Variants in LYRM4 observed in about 807,000 individuals in gnomAD.
LYRM4 encodes LYR motif containing 4.
In LYRM4, 9 loss-of-function variants were observed where a neutral mutation model predicts 11.7. The ratio of observed to expected loss-of-function variants is 0.77; its 90% CI spans 0.46 to 1.34. The LOEUF (loss-of-function observed/expected upper bound fraction) is 1.34. LYRM4 is among the 40% of genes most tolerant of loss of function. The pLI, the probability that LYRM4 is intolerant of heterozygous loss-of-function variation, is 0.00. For missense variants in LYRM4, 133 were observed against 112.5 expected (o/e 1.18, Z -0.82); for synonymous variants, 42 against 40.4 (o/e 1.04, Z -0.15).
At chr6:5,054,687 G>C in the LYRM4 span, among the ~76,000 whole-genome samples, 1 of 152,150 alleles carries the variant, frequency 6.6e-6, no homozygotes, top group African/African-American at 2.4e-5. Flanking sequence ...GGAAGGAGGA[G>C]TCAGACTTAC....
At chr6:5,137,771 C>A (rs1757177340) in intron 2 of LYRM4, among the ~76,000 whole-genome samples, 1 of 152,208 alleles carries the variant, frequency 6.6e-6, no homozygotes, top group Admixed American at 6.5e-5. Flanking sequence ...GATTCCTGCT[C>A]TTTTGTAGAC....
chr6:5,216,542 C>T (rs1561876986), intron 2 of LYRM4, 76 bp downstream of exon 2: 25 of 1,558,704 alleles, frequency 1.6e-5, no homozygotes, highest in South Asian at 3.4e-5. Context: ...ACCAAAAGCA[C>T]GGCTGTCTAA....
In LYRM4 at chr6:5,204,497, C is replaced by A. The variant is rs1761577127; in HGVS notation, c.207+12121G>T. ...GCTTGGGAAGTGAGTCACACAAAAA[C>A]TGCCTTCCTTCTGCTCCCAAACAGG... On this transcript the variant is annotated intron_variant, in intron 2 of 2. Coordinates refer to ENST00000330636, the MANE Select transcript of LYRM4 (RefSeq NM_020408.6). Among the ~76,000 whole-genome samples, 3 of 152,152 alleles carry A rather than the reference C, an allele frequency of 2.0e-5. No individual in the cohort carries two copies. The South Asian group carries it at 6.2e-4, about 31-fold the overall frequency.
chr6:5,128,399 G>A lies in LYRM4; in HGVS notation c.208-18908C>T, dbSNP rs578217925. Among the ~76,000 whole-genome samples, 7 of 152,212 alleles carry A rather than the reference G, an allele frequency of 4.6e-5. No individual in the cohort carries two copies. The South Asian group carries it at 6.2e-4, about 14-fold the overall frequency. On this transcript the variant is annotated intron_variant, in intron 2 of 2. Transcript: ENST00000330636. ...CTGTGGCCTCGTAGATACAAATTGCGTCCCTAGCTCACCCCTCACTCAGGA... is the reference window on the plus strand; with the variant it reads ...CTGTGGCCTCGTAGATACAAATTGCATCCCTAGCTCACCCCTCACTCAGGA...
the LYRM4 span, among the ~76,000 whole-genome samples, chr6:5,059,346 A>AAT: frequency 6.6e-6 from 1 of 151,636 alleles, no homozygotes; most frequent in Admixed American, 6.6e-5. Context: ...GTCTCAAAAA[A>AAT]AAAAAAAAAA....
chr6:5,260,598 T>TGCCCCGGCCCCCGGCCCCCCCCCCCC, intron 1 of LYRM4, 50 bp downstream of exon 1: 1 of 1,105,570 alleles, frequency 9.0e-7, no homozygotes, highest in Non-Finnish European at 1.3e-6. Context: ...GCACCCCCGG[T>TGCCCCGGCCCCCGGCCCCCCCCCCCC]CCCCGGCCCC....
rs1304307421 is a variant in LYRM4 at position 5,218,459 on chromosome 6, T to C, written c.87-1721A>G. The C allele has an allele frequency of 3.5e-6, 3 of 845,088 alleles. No homozygotes were observed. The African/African-American group carries it at 5.5e-5, about 15-fold the overall frequency. 52.3% of individuals were successfully genotyped at this position (845,088 alleles called of 1,614,324 possible). On this transcript the variant is annotated intron_variant, in intron 1 of 2. Transcript: ENST00000330636. The stretch of plus-strand genomic sequence containing the variant: ...AAAGTTTTTTAAAGTAAAAAGGCAT[T>C]TTACATTAAAAAATTCAAATGTCAG...
intron 1 of LYRM4, among the ~76,000 whole-genome samples, chr6:5,237,407 T>C (rs1238793082): frequency 6.6e-6 from 1 of 151,932 alleles, no homozygotes; most frequent in African/African-American, 2.4e-5. Context: ...ACCCATCTAG[T>C]TGCAGGAAAA....
chr6:5,245,400 T>C (rs1764151410), intron 1 of LYRM4, among the ~76,000 whole-genome samples: 1 of 151,950 alleles, frequency 6.6e-6, no homozygotes, highest in African/African-American at 2.4e-5. Context: ...CCAACGGTTC[T>C]TATGCTTTGC....
At chr6:5,119,897 G>A (rs1233095302) in intron 2 of LYRM4, among the ~76,000 whole-genome samples, 1 of 151,632 alleles carries the variant, frequency 6.6e-6, no homozygotes, top group Non-Finnish European at 1.5e-5. Context: ...ATAGGAAAGG[G>A]AATGAAACTA....
At chr6:5,170,935 G>A (rs1299176935) in intron 2 of LYRM4, among the ~76,000 whole-genome samples, 3 of 152,182 alleles carry the variant, frequency 2.0e-5, no homozygotes, top group East Asian at 1.9e-4. Flanking sequence ...TGGTTACTGC[G>A]TTGAGTGTAC....
chr6:5,111,281 A>G (rs184759578), intron 2 of LYRM4, among the ~76,000 whole-genome samples: 2 of 152,338 alleles, frequency 1.3e-5, no homozygotes, highest in Admixed American at 6.5e-5. Flanking sequence ...TTTGTATAAC[A>G]GCTGGGATGG....
At chr6:5,049,612 A>G in the LYRM4 span, among the ~76,000 whole-genome samples, 438 of 152,142 alleles carry the variant, frequency 2.9e-3, 4 homozygotes, top group African/African-American at 0.01. Flanking sequence ...AACAGTACAT[A>G]GCCTCCTTGA....
intron 1 of LYRM4, among the ~76,000 whole-genome samples, chr6:5,254,367 G>T (rs559853154): frequency 3.1e-4 from 47 of 152,338 alleles, no homozygotes; most frequent in African/African-American, 1.1e-3. Flanking sequence ...AGAGTTTGTA[G>T]AATCCCGAAG....
In LYRM4 at chr6:5,130,006, G is replaced by A. The variant is rs191967751; in HGVS notation, c.208-20515C>T. On this transcript the variant is annotated intron_variant, in intron 2 of 2. Coordinates refer to ENST00000330636, the MANE Select transcript of LYRM4 (RefSeq NM_020408.6). ...GGAATATGCTTTTCTTACAGATTAT[G>A]TTCTAAATATGGATTAGATTCCCAG... Among the ~76,000 whole-genome samples, 551 of 152,314 alleles carry A rather than the reference G, an allele frequency of 3.6e-3. 3 individuals are homozygous for A. Among genetic ancestry groups the A allele is most frequent in the African/African-American group, 0.013 (527 of 41,566 alleles).
Position 5,124,681 on chromosome 6 carries a change from C to T in LYRM4, c.208-15190G>A, listed in dbSNP as rs61636508. On this transcript the variant is annotated intron_variant, in intron 2 of 2. Coordinates refer to ENST00000330636, the MANE Select transcript of LYRM4 (RefSeq NM_020408.6). ...GCGGCAGACTTCATCCTGACAGGGGCGGGCCCTCCAACCAGCAAGTGTCCC... is the reference window on the plus strand; with the variant it reads ...GCGGCAGACTTCATCCTGACAGGGGTGGGCCCTCCAACCAGCAAGTGTCCC... Among the ~76,000 whole-genome samples, 40 of 152,294 alleles carry T rather than the reference C, an allele frequency of 2.6e-4. 3 individuals are homozygous for T. The East Asian group carries it at 6.6e-3, about 25-fold the overall frequency.
chr6:5,254,604 A>G (rs755284412), intron 1 of LYRM4, among the ~76,000 whole-genome samples: 1 of 152,228 alleles, frequency 6.6e-6, no homozygotes, highest in Non-Finnish European at 1.5e-5. Flanking sequence ...TGTATGTGTG[A>G]TATGTGCCCT....
chr6:5,253,261 G>A (rs992048497), intron 1 of LYRM4, among the ~76,000 whole-genome samples: 1 of 152,158 alleles, frequency 6.6e-6, no homozygotes, highest in Non-Finnish European at 1.5e-5. Context: ...AGCTATAAGA[G>A]GGATACATTG....
At chr6:5,231,582 C>A (rs1228114278) in intron 1 of LYRM4, among the ~76,000 whole-genome samples, 1 of 152,178 alleles carries the variant, frequency 6.6e-6, no homozygotes, top group Non-Finnish European at 1.5e-5. Context: ...AATCTGGTAA[C>A]CCTTTCTCCC....
Sources: gnomAD v4.1 joint callset for allele counts (sites outside exome capture counted in the v4.1 genomes callset) on GRCh38, gnomAD v4.1.1 for gene constraint, MANE v1.5 for transcripts, NCBI Gene and HGNC (gene_info 2026-07-23, HGNC 2026-07-21) for gene names.